BICRAL: variants seen among roughly 807,000 people sequenced by gnomAD.
The protein encoded by BICRAL is BICRA like chromatin remodeling complex associated protein.
BICRAL carries 8 observed loss-of-function variants against 91.8 expected under a neutral mutation model. The ratio of observed to expected loss-of-function variants is 0.09; its 90% CI spans 0.05 to 0.16. The LOEUF (loss-of-function observed/expected upper bound fraction) is 0.16, where lower values mean the gene tolerates loss of function less well. Ranked by LOEUF, BICRAL falls within the 10% of genes least tolerant of loss-of-function variation. The pLI, the probability that BICRAL is intolerant of heterozygous loss-of-function variation, is 1.00. For missense variants in BICRAL, 1,038 were observed against 1,310.9 expected (o/e 0.79, Z 3.21); for synonymous variants, 445 against 491.1 (o/e 0.91, Z 1.24).
chr6:42,813,075 A>G (rs1031767449), intron 2 of BICRAL, among the ~76,000 whole-genome samples: 2 of 152,188 alleles, frequency 1.3e-5, no homozygotes, highest in African/African-American at 2.4e-5. Context: ...AAAAGACTGA[A>G]AGAAAATACA....
intron 1 of BICRAL, among the ~76,000 whole-genome samples, chr6:42,793,762 C>CTTTTT (rs70990140): frequency 3.0e-5 from 3 of 99,234 alleles, no homozygotes; most frequent in Non-Finnish European, 4.0e-5. Context: ...CTCAAGATGA[C>CTTTTT]TTTTTTTTTT....
In BICRAL at chr6:42,795,726, A is replaced by C. The variant is rs1379859104; in HGVS notation, c.-102+13625A>C. The stretch of plus-strand genomic sequence containing the variant: ...TCCATTCTTTTAAGATTAACTTTTA[A>C]AATTAAATGTTCTAATATTTTTCTT... On this transcript the variant is annotated intron_variant, in intron 1 of 12. Coordinates refer to ENST00000314073, the MANE Select transcript of BICRAL (RefSeq NM_001393499.1). 3.3e-5 allele frequency among the ~76,000 whole-genome samples: 5 copies of C among 152,186 alleles called. No homozygotes were observed. In the East Asian group the frequency reaches 5.8e-4, roughly 18 times the overall value.
intron 4 of BICRAL, 45 bp downstream of exon 4, chr6:42,822,889 T>C: frequency 6.5e-7 from 1 of 1,531,344 alleles, no homozygotes; most frequent in Non-Finnish European, 9.1e-7. Flanking sequence ...TTGTTTCTGC[T>C]TTACAGTTAA....
intron 1 of BICRAL, among the ~76,000 whole-genome samples, chr6:42,801,249 T>TAAAAAA (rs386406867): frequency 7.4e-6 from 1 of 134,492 alleles, no homozygotes. Context: ...AGACTCTGTT[T>TAAAAAA]AAAAAAAAAA....
rs752682002 is a variant in BICRAL at position 42,830,230 on chromosome 6, G to T, written c.1839+58G>T. 2.6e-6 allele frequency: 4 copies of T among 1,520,970 alleles called. No homozygotes were observed. In the East Asian group the frequency reaches 9.0e-5, roughly 34 times the overall value. The allele number at this position is 1,520,970 out of a possible 1,614,324, so 94.2% of individuals were successfully genotyped here. Reference sequence around the variant, plus strand: ...ATTATAGAATGGAAAAATGAGATGTGTATTTACTAGAATATAATTTTCATC... The same window carrying T: ...ATTATAGAATGGAAAAATGAGATGTTTATTTACTAGAATATAATTTTCATC... On this transcript the variant is annotated intron_variant, in intron 6 of 12. Transcript: ENST00000314073.
chr6:42,757,397 G>T (rs933793730), intron 1 of BICRAL, among the ~76,000 whole-genome samples: 26 of 151,902 alleles, frequency 1.7e-4, no homozygotes, highest in Non-Finnish European at 3.2e-4. Context: ...GACTATAGGC[G>T]CCTGCCACAA....
chr6:42,856,923 G>A (rs991311651), intron 9 of BICRAL, among the ~76,000 whole-genome samples, 168 bp from the exon 10 acceptor site: 1 of 151,992 alleles, frequency 6.6e-6, no homozygotes, highest in African/African-American at 2.4e-5. Flanking sequence ...AGTCCTCTGT[G>A]GGGCTAGTTA....
intron 6 of BICRAL, among the ~76,000 whole-genome samples, chr6:42,834,861 G>A (rs959960756): frequency 2.7e-4 from 41 of 151,992 alleles, no homozygotes; most frequent in African/African-American, 9.4e-4. Flanking sequence ...ATTTTTTTAA[G>A]AAGGCTTGTT....
At chr6:42,848,167 G>T (rs372994695) in intron 6 of BICRAL, among the ~76,000 whole-genome samples, 9 of 150,198 alleles carry the variant, frequency 6.0e-5, no homozygotes, top group East Asian at 5.9e-4. Context: ...AAAGAAAATC[G>T]CTTGAACCCG....
chr6:42,802,421 G>GTTTTT (rs370280741), intron 1 of BICRAL, among the ~76,000 whole-genome samples: 6 of 149,684 alleles, frequency 4.0e-5, no homozygotes, highest in African/African-American at 1.5e-4. Flanking sequence ...AGCTTTTCGT[G>GTTTTT]TTTTTTTTTG....
chr6:42,850,070 A>C (rs967811637), intron 6 of BICRAL, among the ~76,000 whole-genome samples: 1 of 151,884 alleles, frequency 6.6e-6, no homozygotes, highest in African/African-American at 2.4e-5. Flanking sequence ...TAAATAAATA[A>C]GCTTAGTTTG....
intron 9 of BICRAL, among the ~76,000 whole-genome samples, chr6:42,856,728 C>T (rs2114028785): frequency 6.6e-6 from 1 of 152,190 alleles, no homozygotes; most frequent in Non-Finnish European, 1.5e-5. Flanking sequence ...GAGAATAGTT[C>T]TTTGTCTTTT....
intron 5 of BICRAL, among the ~76,000 whole-genome samples, chr6:42,823,337 G>A (rs986966255): frequency 1.3e-4 from 20 of 152,070 alleles, no homozygotes; most frequent in Admixed American, 1.2e-3. Context: ...AGCCCGGCTG[G>A]TCTTGAACTC....
At chr6:42,857,306 G>C (rs1227368362) in intron 10 of BICRAL, 70 bp downstream of exon 10, 2 of 1,312,498 alleles carry the variant, frequency 1.5e-6, no homozygotes, top group Non-Finnish European at 1.1e-6. Flanking sequence ...CCCCAGAAAA[G>C]CAAGAGCCAC....
chr6:42,861,194 GGC>G (rs1765546702), intron 11 of BICRAL, among the ~76,000 whole-genome samples: 2 of 152,198 alleles, frequency 1.3e-5, no homozygotes, highest in South Asian at 4.2e-4. Flanking sequence ...AGACCAGCCT[GGC>G]CAACATGGTG....
At chr6:42,823,705 C>T (rs558525916) in intron 5 of BICRAL, among the ~76,000 whole-genome samples, 127 of 149,378 alleles carry the variant, frequency 8.5e-4, no homozygotes, top group African/African-American at 2.8e-3. Context: ...AGGTGGATCA[C>T]GAGGTCAGGA....
intron 1 of BICRAL, among the ~76,000 whole-genome samples, chr6:42,782,801 G>C (rs1050258131): frequency 6.6e-6 from 1 of 152,044 alleles, no homozygotes; most frequent in Admixed American, 6.5e-5. Flanking sequence ...CGGCGCGGCG[G>C]GGCCGCGAGC....
intron 1 of BICRAL, among the ~76,000 whole-genome samples, chr6:42,771,757 T>C (rs1762739924): frequency 6.6e-6 from 1 of 152,152 alleles, no homozygotes; most frequent in Admixed American, 6.5e-5. Context: ...GGGTTGAAGC[T>C]AGTATAATTC....
intron 1 of BICRAL, among the ~76,000 whole-genome samples, chr6:42,796,583 G>T (rs1386428054): frequency 6.6e-6 from 1 of 152,138 alleles, no homozygotes; most frequent in African/African-American, 2.4e-5. Context: ...TGGAATTTGG[G>T]TTGAGAATAG....
Sources: gnomAD v4.1 joint callset for allele counts (sites outside exome capture counted in the v4.1 genomes callset) on GRCh38, gnomAD v4.1.1 for gene constraint, MANE v1.5 for transcripts, NCBI Gene and HGNC (gene_info 2026-07-23, HGNC 2026-07-21) for gene names.